The following KCNN3 variants were observed in gnomAD, a reference collection of about 807,000 sequenced individuals.
The protein encoded by KCNN3 is small conductance calcium-activated potassium channel protein 3.
KCNN3 carries 16 observed loss-of-function variants against 62.9 expected under a neutral mutation model. The ratio of observed to expected loss-of-function variants is 0.25; its 90% CI spans 0.17 to 0.39. The LOEUF is 0.39. Ranked by LOEUF, KCNN3 falls within the 10% of genes least tolerant of loss-of-function variation. KCNN3 has a pLI of 1.00. For synonymous variants in KCNN3, 370 were observed against 389.2 expected (o/e 0.95, Z 0.58); for missense variants, 599 against 949.4 (o/e 0.63, Z 4.85).
At position 154,702,368 on chromosome 1, in the gene KCNN3, A is replaced by G. The variant is rs767461125; in HGVS notation, c.*5608T>C. 6.6e-5 allele frequency: 10 copies of G among 151,882 alleles called. No homozygotes were observed. The highest frequency in any genetic ancestry group is 1.5e-4 in the Non-Finnish European group (10 of 68,002). The allele number at this position is 151,882 out of a possible 1,614,324, so 9.4% of individuals were successfully genotyped here. On this transcript the variant is annotated 3_prime_UTR_variant, in exon 8 of 8. Transcript: ENST00000271915. ...ATAAACTGTTATGCTTTCTCCTATC[A>G]TTAAAAAATAGCAAGCAGTACAGAG...
intron 2 of KCNN3, among the ~76,000 whole-genome samples, chr1:154,803,470 A>C (rs1171439961): frequency 6.6e-6 from 1 of 152,168 alleles, no homozygotes; most frequent in East Asian, 1.9e-4. Flanking sequence ...ATAAATAAAC[A>C]CGTTCATCAA....
At chr1:154,868,340 C>T in intron 1 of KCNN3, 1 of 987,320 alleles carries the variant, frequency 1.0e-6, no homozygotes, top group African/African-American at 1.7e-5. Flanking sequence ...GAAAGGACCA[C>T]TGATTTCCTC....
At chr1:154,771,928 C>A in intron 3 of KCNN3, 47 bp downstream of exon 3, 1 of 1,597,042 alleles carries the variant, frequency 6.3e-7, no homozygotes, top group Non-Finnish European at 8.6e-7. Context: ...TCCTCCCTTC[C>A]CTGTCCCAGC....
intron 3 of KCNN3, among the ~76,000 whole-genome samples, chr1:154,770,139 A>C (rs1648480387): frequency 6.6e-6 from 1 of 152,212 alleles, no homozygotes; most frequent in South Asian, 2.1e-4. Context: ...GGTCCCACTC[A>C]GAGCAGATGT....
At chr1:154,815,290 C>T (rs1211658793) in intron 2 of KCNN3, among the ~76,000 whole-genome samples, 3 of 152,214 alleles carry the variant, frequency 2.0e-5, no homozygotes, top group African/African-American at 4.8e-5. Context: ...GGGCAGCCTC[C>T]ACCTCCCTTC....
chr1:154,714,331 T>G (rs796206352), intron 6 of KCNN3, among the ~76,000 whole-genome samples: 18 of 25,406 alleles, frequency 7.1e-4, no homozygotes, highest in South Asian at 1.2e-3. Context: ...TGTGTGTGTG[T>G]GGTGTTTGTG....
At chr1:154,752,213 G>T (rs984332574) in intron 3 of KCNN3, among the ~76,000 whole-genome samples, 13 of 152,114 alleles carry the variant, frequency 8.5e-5, no homozygotes, top group African/African-American at 2.9e-4. Flanking sequence ...TATCCAGTGC[G>T]TGATTTTTAT....
chr1:154,857,715 C>T (rs547968374), intron 1 of KCNN3, among the ~76,000 whole-genome samples: 1 of 152,250 alleles, frequency 6.6e-6, no homozygotes, highest in Non-Finnish European at 1.5e-5. Context: ...CTTAAACTCT[C>T]GGAGCCTTGG....
Position 154,708,138 on chromosome 1 carries a change from G to C in KCNN3, c.2034C>G (p.Ala678=). The C allele has an allele frequency of 6.2e-7, 1 of 1,613,754 alleles. No homozygotes were observed. The highest frequency in any genetic ancestry group is 8.5e-7 in the Non-Finnish European group (1 of 1,180,028). ...ASFNSLPLLI[A]DTLRQQQQQL... is the part of the protein sequence containing the mutation. Reference sequence around the variant, plus strand: ...GCTGCTGCTGCTGGCGCAGGGTGTCGGCGATGAGCAGCGGCAGGGAGTTGA... The same window carrying C: ...GCTGCTGCTGCTGGCGCAGGGTGTCCGCGATGAGCAGCGGCAGGGAGTTGA... Residue 678 remains alanine (A), a synonymous_variant, in exon 8 of 8, where the codon GCC becomes GCG. Coordinates refer to ENST00000271915, the MANE Select transcript of KCNN3 (RefSeq NM_002249.6).
intron 3 of KCNN3, among the ~76,000 whole-genome samples, chr1:154,759,911 C>G (rs1484584250): frequency 1.3e-5 from 2 of 152,204 alleles, no homozygotes; most frequent in African/African-American, 4.8e-5. Flanking sequence ...AAACTTAGTG[C>G]TTCAGAATGC....
chr1:154,755,118 C>CAAAA (rs1171659811), intron 3 of KCNN3, among the ~76,000 whole-genome samples: 2 of 152,180 alleles, frequency 1.3e-5, no homozygotes, highest in Non-Finnish European at 2.9e-5. Flanking sequence ...AATTTACTCA[C>CAAAA]AAAGATGCCA....
chr1:154,810,450 G>C (rs1650357009), intron 2 of KCNN3, among the ~76,000 whole-genome samples: 1 of 129,888 alleles, frequency 7.7e-6, no homozygotes, highest in Non-Finnish European at 1.6e-5. Context: ...GAAGACCCTA[G>C]CCTTCCTTGG....
intron 1 of KCNN3, among the ~76,000 whole-genome samples, chr1:154,845,954 G>A (rs867583682): frequency 3.9e-5 from 6 of 152,188 alleles, no homozygotes; most frequent in Admixed American, 1.3e-4. Flanking sequence ...AAGCCCATAG[G>A]GCAGCCCTGG....
At chr1:154,801,677 G>A (rs1649958280) in intron 2 of KCNN3, among the ~76,000 whole-genome samples, 1 of 152,200 alleles carries the variant, frequency 6.6e-6, no homozygotes, top group Non-Finnish European at 1.5e-5. Flanking sequence ...CCTGCCAAAG[G>A]GATAGCAGGA....
chr1:154,708,033 G>A lies in KCNN3; in HGVS notation c.2139C>T (p.Pro713=). The change falls in exon 8 of 8, where the codon CCC becomes CCT. Residue 713 remains proline, a synonymous_variant. Coordinates refer to ENST00000271915, the MANE Select transcript of KCNN3 (RefSeq NM_002249.6). ...GGAAGGAGGTGGAGCTGACCCCAAT[G>A]GGGCTATCGGAGATTGGGGTGTGGG... ...GTTHTPISDS[P]IGVSSTSFPT... The A allele has an allele frequency of 6.2e-7, 1 of 1,613,148 alleles. No homozygotes were observed. Among genetic ancestry groups the A allele is most frequent in the Non-Finnish European group, 8.5e-7 (1 of 1,179,316 alleles).
At chr1:154,715,096 G>C (rs776716820) in intron 5 of KCNN3, 93 bp from the exon 6 acceptor site, 1 of 1,461,008 alleles carries the variant, frequency 6.8e-7, no homozygotes, top group African/African-American at 1.4e-5. Flanking sequence ...ATAAGGAAAC[G>C]ATTTTGCAAT....
At chr1:154,826,887 A>T (rs1651156621) in intron 1 of KCNN3, among the ~76,000 whole-genome samples, 1 of 152,214 alleles carries the variant, frequency 6.6e-6, no homozygotes. Flanking sequence ...ACCAAACTGA[A>T]ATATTAGCTT....
chr1:154,716,972 A>G (rs1423713012), intron 5 of KCNN3, among the ~76,000 whole-genome samples: 1 of 152,226 alleles, frequency 6.6e-6, no homozygotes, highest in Non-Finnish European at 1.5e-5. Flanking sequence ...TTAGCCTCTT[A>G]GGAAAGCCTC....
chr1:154,835,316 G>C (rs1022102510), intron 1 of KCNN3, among the ~76,000 whole-genome samples: 1 of 152,172 alleles, frequency 6.6e-6, no homozygotes, highest in African/African-American at 2.4e-5. Context: ...AATCTCAAAA[G>C]TGTCCCAGTT....
Sources: allele counts gnomAD v4.1 joint callset (sites outside exome capture counted in the v4.1 genomes callset), GRCh38; gene constraint gnomAD v4.1.1; transcripts MANE v1.5; gene names NCBI Gene and HGNC (gene_info 2026-07-23, HGNC 2026-07-21).